The following PDE3A variants were observed in gnomAD, a reference collection of about 807,000 sequenced individuals.
PDE3A encodes the protein cGMP-inhibited 3',5'-cyclic phosphodiesterase 3A.
PDE3A carries 43 observed loss-of-function variants against 98.3 expected under a neutral mutation model. The observed-to-expected ratio is 0.44, with a 90% CI of 0.34 to 0.56. The LOEUF is 0.56. Ranked by LOEUF, PDE3A falls within the 20% of genes least tolerant of loss-of-function variation. The pLI is 0.01. For missense variants in PDE3A, 1,427 were observed against 1,440.7 expected (o/e 0.99, Z 0.15); for synonymous variants, 663 against 567.9 (o/e 1.17, Z -2.38).
At chr12:20,542,671 T>C (rs545252161) in intron 1 of PDE3A, among the ~76,000 whole-genome samples, 1 of 152,168 alleles carries the variant, frequency 6.6e-6, no homozygotes, top group African/African-American at 2.4e-5. Context: ...ATGCAAGAAC[T>C]CATAAATATT....
At chr12:20,412,159 T>C (rs7136586) in intron 1 of PDE3A, among the ~76,000 whole-genome samples, 15,741 of 152,182 alleles carry the variant, frequency 0.1, 1,547 homozygotes, top group African/African-American at 0.26. Flanking sequence ...TTAGAAGCCA[T>C]ATTAACTAGA....
rs1366963272 is a variant in PDE3A, at chr12:20,654,048, G to T, written c.3027G>T (p.Val1009=). Residue 1009 remains valine, a synonymous_variant, in exon 15 of 16, where the codon GTG becomes GTT. Transcript: ENST00000359062. ...AGGAATCCTTCATCTCTCACATTGT[G>T]GGGCCTCTGTGCAACTCCTATGATT... is the stretch of plus-strand genomic sequence containing the variant. ...NLQESFISHI[V]GPLCNSYDSA... is the part of the protein sequence containing the mutation. 3 of 1,613,996 alleles carry T rather than the reference G, an allele frequency of 1.9e-6. No homozygotes were observed. The highest frequency in any genetic ancestry group is 2.7e-5 in the African/African-American group (2 of 74,890).
intron 1 of PDE3A, among the ~76,000 whole-genome samples, chr12:20,407,138 A>T (rs997997712): frequency 1.3e-4 from 20 of 152,176 alleles, no homozygotes; most frequent in African/African-American, 4.8e-4. Context: ...ATCAGCATAG[A>T]TGTTGATTAC....
intron 1 of PDE3A, among the ~76,000 whole-genome samples, chr12:20,436,705 C>G (rs1014793599): frequency 1.3e-5 from 2 of 152,170 alleles, no homozygotes; most frequent in African/African-American, 4.8e-5. Flanking sequence ...CTCAAGAGAT[C>G]AGGTGGTTTT....
chr12:20,594,814 A>C (rs7967522), intron 2 of PDE3A, among the ~76,000 whole-genome samples: 63,128 of 151,834 alleles, frequency 0.42, 13,276 homozygotes, highest in South Asian at 0.54. Flanking sequence ...GTTTGGCTGA[A>C]CCTAAGGTAA....
At chr12:20,519,671 A>G (rs889718051) in intron 1 of PDE3A, among the ~76,000 whole-genome samples, 2 of 152,236 alleles carry the variant, frequency 1.3e-5, no homozygotes, top group Admixed American at 1.3e-4. Context: ...GCTGCATCAT[A>G]AAGTAACTGC....
chr12:20,498,365 G>A (rs556085446), intron 1 of PDE3A, among the ~76,000 whole-genome samples: 109 of 151,698 alleles, frequency 7.2e-4, no homozygotes, highest in Middle Eastern at 6.8e-3. Flanking sequence ...AACCTCAGAT[G>A]GAAAATATAT....
intron 1 of PDE3A, among the ~76,000 whole-genome samples, chr12:20,536,271 T>C (rs980226545): frequency 3.9e-5 from 6 of 152,074 alleles, no homozygotes; most frequent in African/African-American, 1.4e-4. Flanking sequence ...TAACAGTGCT[T>C]CTCAAATTTA....
At chr12:20,472,006 G>A (rs1213629967) in intron 1 of PDE3A, among the ~76,000 whole-genome samples, 2 of 152,076 alleles carry the variant, frequency 1.3e-5, no homozygotes. Context: ...TTTTGGCTCT[G>A]AATTTAATAC....
intron 1 of PDE3A, among the ~76,000 whole-genome samples, chr12:20,472,444 T>C (rs1431833225): frequency 6.6e-6 from 1 of 152,116 alleles, no homozygotes; most frequent in Non-Finnish European, 1.5e-5. Context: ...AGTAGGAGAT[T>C]CTAGAAACTT....
At chr12:20,517,751 T>C (rs1467943638) in intron 1 of PDE3A, among the ~76,000 whole-genome samples, 1 of 152,184 alleles carries the variant, frequency 6.6e-6, no homozygotes, top group Non-Finnish European at 1.5e-5. Context: ...GTCAGGGAAA[T>C]GTCATGTGGG....
At chr12:20,554,268 A>G (rs1049290395) in intron 1 of PDE3A, among the ~76,000 whole-genome samples, 4 of 151,588 alleles carry the variant, frequency 2.6e-5, no homozygotes, top group African/African-American at 9.7e-5. Context: ...TTAATGTATT[A>G]GGGAAGAATG....
chr12:20,621,233 G>A, intron 4 of PDE3A, 63 bp from the exon 5 acceptor site: 2 of 905,324 alleles, frequency 2.2e-6, no homozygotes, highest in Middle Eastern at 2.2e-4. Context: ...GGCAAGACTG[G>A]CCCAATAACT....
intron 1 of PDE3A, among the ~76,000 whole-genome samples, chr12:20,481,767 T>TTTTTTTA (rs1343717929): frequency 8.7e-6 from 1 of 114,314 alleles, no homozygotes; most frequent in Admixed American, 8.7e-5. Context: ...GAAATAGATT[T>TTTTTTTA]TTTTTTTTTT....
intron 2 of PDE3A, chr12:20,557,034 G>T (rs767146459): frequency 3.8e-6 from 1 of 262,072 alleles, no homozygotes; most frequent in Non-Finnish European, 7.1e-6. Flanking sequence ...CAATTTTTCC[G>T]TGTATTTTCT....
chr12:20,445,922 G>C (rs1944945534), intron 1 of PDE3A, among the ~76,000 whole-genome samples: 1 of 152,112 alleles, frequency 6.6e-6, no homozygotes. Context: ...CAGCATGTGA[G>C]AAGATGAGCA....
intron 2 of PDE3A, among the ~76,000 whole-genome samples, chr12:20,570,389 C>T (rs1056290085): frequency 9.6e-6 from 1 of 103,946 alleles, no homozygotes; most frequent in Non-Finnish European, 1.7e-5. Context: ...GCCTGGGCAA[C>T]AGAATGCGAC....
intron 2 of PDE3A, among the ~76,000 whole-genome samples, chr12:20,608,381 AT>A (rs60642047): frequency 0.68 from 103,352 of 151,408 alleles, 35,410 homozygotes; most frequent in Non-Finnish European, 0.73. Flanking sequence ...TACTAAGGAT[AT>A]TTTTTTTTTC....
In PDE3A at chr12:20,399,625, A is replaced by G. The variant is rs997763804; in HGVS notation, c.960+29381A>G. ...AGCTTAAAATACTATTATTTTAGTA[A>G]TCCTAGAGAAGCAAAGAAGCCTCTT... On this transcript the variant is annotated intron_variant, in intron 1 of 15. Transcript: ENST00000359062. Among the ~76,000 whole-genome samples the G allele has an allele frequency of 2.0e-5, 3 of 152,214 alleles. No homozygotes were observed. The East Asian group carries it at 5.8e-4, about 29-fold the overall frequency.
Sources: gnomAD v4.1 joint callset for allele counts (sites outside exome capture counted in the v4.1 genomes callset) on GRCh38, gnomAD v4.1.1 for gene constraint, MANE v1.5 for transcripts, NCBI Gene and HGNC (gene_info 2026-07-23, HGNC 2026-07-21) for gene names.